The following SPATA31G1 variants were observed in gnomAD, a reference collection of about 807,000 sequenced individuals.
SPATA31G1 encodes spermatogenesis-associated protein 31G1.
chr9:35,043,426 T>G, the SPATA31G1 span: 3 of 1,614,070 alleles, frequency 1.9e-6, no homozygotes, highest in South Asian at 1.1e-5. Flanking sequence ...CTAGAAGGGA[T>G]GGCCCCCGAT....
chr9:35,045,354 G>T, the SPATA31G1 span: 1 of 1,614,090 alleles, frequency 6.2e-7, no homozygotes, highest in African/African-American at 1.3e-5. Flanking sequence ...ACACATGGAG[G>T]CTGGTGTGGA....
At chr9:35,041,928 G>T in the SPATA31G1 span, 1 of 229,254 alleles carries the variant, frequency 4.4e-6, no homozygotes. Flanking sequence ...TTATTTTATA[G>T]ATAAGAAAAA....
the SPATA31G1 span, chr9:35,044,744 G>A: frequency 3.7e-6 from 6 of 1,614,084 alleles, no homozygotes; most frequent in African/African-American, 8.0e-5. Flanking sequence ...TTGAACTTGT[G>A]TGGAGAAATG....
chr9:35,042,270 G>C, the SPATA31G1 span: 1 of 1,614,062 alleles, frequency 6.2e-7, no homozygotes, highest in Non-Finnish European at 8.5e-7. Context: ...ATGGCTGCTG[G>C]AGGACCTGCT....
chr9:35,042,904 G>T, the SPATA31G1 span: 4 of 1,614,160 alleles, frequency 2.5e-6, no homozygotes, highest in Non-Finnish European at 8.5e-7. Flanking sequence ...GATCACCTGT[G>T]TAAGCAGAAA....
chr9:35,045,258 T>C, the SPATA31G1 span: 1 of 1,613,666 alleles, frequency 6.2e-7, no homozygotes, highest in Non-Finnish European at 8.5e-7. Flanking sequence ...GCCACAGGAG[T>C]CTGGCAGGGC....
the SPATA31G1 span, chr9:35,043,168 A>C: frequency 6.2e-7 from 1 of 1,614,194 alleles, no homozygotes; most frequent in Non-Finnish European, 8.5e-7. Flanking sequence ...CCTGTGAGGC[A>C]CAAGATAGCA....
chr9:35,043,110 G>A, the SPATA31G1 span: 51 of 1,614,160 alleles, frequency 3.2e-5, no homozygotes, highest in Admixed American at 2.2e-4. Context: ...CATGCAGCCC[G>A]TGAGCCCTTC....
At chr9:35,044,784 A>G in the SPATA31G1 span, 1 of 1,614,216 alleles carries the variant, frequency 6.2e-7, no homozygotes, top group Non-Finnish European at 8.5e-7. Context: ...CCAAGGCCCC[A>G]GCCCTCTGGC....
At chr9:35,043,826 G>C in the SPATA31G1 span, 1 of 1,614,116 alleles carries the variant, frequency 6.2e-7, no homozygotes, top group Non-Finnish European at 8.5e-7. Context: ...CAGAACTCCA[G>C]AGAGAGAGTT....
the SPATA31G1 span, chr9:35,044,218 T>C: frequency 6.2e-7 from 1 of 1,614,122 alleles, no homozygotes; most frequent in South Asian, 1.1e-5. Flanking sequence ...CCACACAGAA[T>C]CAATCCTGGG....
chr9:35,041,227 G>A, the SPATA31G1 span: 4 of 294,396 alleles, frequency 1.4e-5, no homozygotes, highest in East Asian at 1.2e-4. Context: ...ATATAAGCAT[G>A]CCAGGGCAAA....
chr9:35,042,565 GGTGA>G, the SPATA31G1 span: 15 of 1,597,962 alleles, frequency 9.4e-6, no homozygotes, highest in East Asian at 3.1e-4. Flanking sequence ...TGTGGGCCCA[GGTGA>G]GTGACTATAA....
the SPATA31G1 span, chr9:35,044,288 G>A: frequency 2.5e-5 from 40 of 1,614,014 alleles, no homozygotes; most frequent in African/African-American, 1.2e-4. Flanking sequence ...GGAATTCCTC[G>A]GCTTCTAGGT....
At chr9:35,044,980 G>A in the SPATA31G1 span, 2 of 1,614,110 alleles carry the variant, frequency 1.2e-6, no homozygotes, top group African/African-American at 1.3e-5. Context: ...TGGCAGTGGA[G>A]TAGAGAGCTG....
chr9:35,044,087 C>T, the SPATA31G1 span: 17 of 1,614,070 alleles, frequency 1.1e-5, no homozygotes, highest in East Asian at 2.9e-4. Flanking sequence ...TAGTAATGGG[C>T]CCCCAGGGAG....
chr9:35,042,690 TG>T, the SPATA31G1 span: 28 of 1,158,718 alleles, frequency 2.4e-5, no homozygotes, highest in South Asian at 3.8e-4. Context: ...AAATGAGGAC[TG>T]GGTAATGACC....
At chr9:35,045,312 G>A in the SPATA31G1 span, 3 of 1,614,000 alleles carry the variant, frequency 1.9e-6, no homozygotes, top group African/African-American at 1.3e-5. Flanking sequence ...GGGGAAGATG[G>A]TGAGCCAGGT....
At chr9:35,042,883 T>A in the SPATA31G1 span, 1 of 1,614,110 alleles carries the variant, frequency 6.2e-7, no homozygotes, top group Non-Finnish European at 8.5e-7. Context: ...CTGCACCGTG[T>A]GGCCTTCCTT....
Sources: allele counts gnomAD v4.1 joint callset, GRCh38; gene constraint gnomAD v4.1.1; transcripts MANE v1.5; gene names NCBI Gene and HGNC (gene_info 2026-07-23, HGNC 2026-07-21).